Variants in MGA observed in about 807,000 individuals in gnomAD.
The protein encoded by MGA is MAX gene-associated protein.
MGA carries 40 observed loss-of-function variants against 261.1 expected under a neutral mutation model. The observed-to-expected ratio is 0.15, with a 90% CI of 0.12 to 0.20. The LOEUF is 0.20. Ranked by LOEUF, MGA falls within the 10% of genes least tolerant of loss-of-function variation. The pLI, the probability that MGA is intolerant of heterozygous loss-of-function variation, is 1.00. For synonymous variants in MGA, 1,302 were observed against 1,290.6 expected, an observed-to-expected ratio of 1.01 and a Z score of -0.19; for missense variants, 3,397 against 3,630.5, an observed-to-expected ratio of 0.94 and a Z score of 1.65.
chr15:41,742,942 C>G lies in MGA; in HGVS notation c.4982C>G (p.Thr1661Ser), dbSNP rs2062199625. 8 of 1,613,886 alleles carry G rather than the reference C, an allele frequency of 5.0e-6. No homozygotes were observed. The highest frequency in any genetic ancestry group is 6.8e-6 in the Non-Finnish European group (8 of 1,179,898). ...CAGTCTACAGCCACTGTGAACCTTA[C>G]CAAAACCACTGGGATAACTACCCCT... is the stretch of plus-strand genomic sequence containing the variant. The change falls in exon 15 of 24, where the codon ACC becomes AGC. Residue 1661 changes from threonine to serine, a missense_variant. Physicochemically the swap from Thr to Ser is moderately conservative, Grantham distance 58 (BLOSUM62 1). Coordinates refer to ENST00000219905, the MANE Select transcript of MGA (RefSeq NM_001164273.2).
chr15:41,744,959 A>G (rs1349574795), intron 15 of MGA, among the ~76,000 whole-genome samples: 1 of 152,126 alleles, frequency 6.6e-6, no homozygotes, highest in Admixed American at 6.5e-5. Context: ...GCTCACTGCA[A>G]CCTCCGCCTC....
Position 41,762,836 on chromosome 15 carries a change from C to T in MGA, c.7744+474C>T, listed in dbSNP as rs114713687. On this transcript the variant is annotated intron_variant, in intron 22 of 23. Transcript: ENST00000219905. ...TAAAAAGTAGAATATTAACTACATT[C>T]GATTTTGGTTTCTGGTTGTAATACA... Among the ~76,000 whole-genome samples the T allele has an allele frequency of 6.3e-3, 955 of 152,096 alleles. 14 individuals carry two copies. Among genetic ancestry groups the T allele is most frequent in the African/African-American group, 0.022 (916 of 41,486 alleles).
At chr15:41,715,036 T>G (rs1433654751) in intron 9 of MGA, among the ~76,000 whole-genome samples, 1 of 152,070 alleles carries the variant, frequency 6.6e-6, no homozygotes, top group Non-Finnish European at 1.5e-5. Context: ...GTAATTTACA[T>G]TTTCGTTTTG....
chr15:41,703,828 C>T (rs187004008), intron 5 of MGA, among the ~76,000 whole-genome samples: 72 of 152,296 alleles, frequency 4.7e-4, no homozygotes, highest in African/African-American at 1.6e-3. Flanking sequence ...GTTTTTGAGA[C>T]AGGGTCTCGC....
chr15:41,745,490 A>G (rs1012784455), intron 15 of MGA, among the ~76,000 whole-genome samples: 3 of 151,694 alleles, frequency 2.0e-5, no homozygotes, highest in African/African-American at 7.3e-5. Flanking sequence ...CTAGAGTAAC[A>G]TTAAAGATAT....
intron 2 of MGA, among the ~76,000 whole-genome samples, chr15:41,690,317 ATTTT>A (rs1007960796): frequency 2.0e-5 from 3 of 152,102 alleles, no homozygotes; most frequent in African/African-American, 4.8e-5. Context: ...ACATTACCAC[ATTTT>A]TTTTATTCAT....
At chr15:41,671,527 C>T (rs1327278564) in intron 2 of MGA, among the ~76,000 whole-genome samples, 1 of 152,016 alleles carries the variant, frequency 6.6e-6, no homozygotes, top group Non-Finnish European at 1.5e-5. Context: ...TGGGGTTTCA[C>T]CATGTTGGCC....
intron 9 of MGA, 88 bp downstream of exon 9, chr15:41,713,584 C>G: frequency 7.2e-7 from 1 of 1,379,692 alleles, no homozygotes; most frequent in Non-Finnish European, 9.5e-7. Flanking sequence ...ACCTTAATCC[C>G]GATCAATTAT....
chr15:41,765,983 T>C, intron 23 of MGA, 21 bp from the exon 24 acceptor site: 1 of 1,593,422 alleles, frequency 6.3e-7, no homozygotes, highest in Non-Finnish European at 8.6e-7. Flanking sequence ...AATTTTTCTT[T>C]TTTTAATTTT....
At chr15:41,756,781 A>G (rs992255372) in intron 18 of MGA, among the ~76,000 whole-genome samples, 5 of 152,120 alleles carry the variant, frequency 3.3e-5, no homozygotes, top group Non-Finnish European at 7.4e-5. Flanking sequence ...TTTTGTAGAG[A>G]CGGAGTCTTG....
intron 11 of MGA, among the ~76,000 whole-genome samples, chr15:41,731,283 T>C (rs1463972147): frequency 6.6e-6 from 1 of 152,136 alleles, no homozygotes; most frequent in African/African-American, 2.4e-5. Context: ...CTTTGTTACC[T>C]ATATTAAAAA....
chr15:41,711,219 C>T lies in MGA; in HGVS notation c.2954C>T (p.Pro985Leu), dbSNP rs1339680251. The change falls in exon 8 of 24, where the codon CCT becomes CTT. Residue 985 changes from proline to leucine, a missense_variant. Coordinates refer to ENST00000219905, the MANE Select transcript of MGA (RefSeq NM_001164273.2). ...CAGCAACAGCAACAGGGAAGTCGCC[C>T]TCCAGGCTTGTCTAAATCTCAGGTG... The T allele has an allele frequency of 1.9e-6, 3 of 1,613,918 alleles. No individual in the cohort carries two copies. The highest frequency in any genetic ancestry group is 1.7e-6 in the Non-Finnish European group (2 of 1,179,910).
intron 9 of MGA, chr15:41,718,591 CA>C (rs1266104965): frequency 2.8e-6 from 1 of 352,562 alleles, no homozygotes; most frequent in African/African-American, 2.1e-5. Context: ...TCGAAGTGAG[CA>C]TCAATAAGAT....
chr15:41,678,784 C>A, intron 2 of MGA, among the ~76,000 whole-genome samples: 1 of 149,646 alleles, frequency 6.7e-6, no homozygotes. Context: ...AAAAAAACCA[C>A]AAAATGAAAA....
chr15:41,635,071 C>T (rs866907752), intron 1 of MGA, among the ~76,000 whole-genome samples: 2 of 152,174 alleles, frequency 1.3e-5, no homozygotes, highest in Middle Eastern at 3.4e-3. Context: ...TGGTGGCTCA[C>T]GTGTGTAATC....
At chr15:41,625,239 T>A (rs2056419848) in intron 1 of MGA, among the ~76,000 whole-genome samples, 1 of 152,174 alleles carries the variant, frequency 6.6e-6, no homozygotes, top group Non-Finnish European at 1.5e-5. Flanking sequence ...ACAAAAAACA[T>A]CTGTCTAGTT....
intron 3 of MGA, 103 bp downstream of exon 3, chr15:41,697,126 A>G (rs2059583144): frequency 2.0e-6 from 2 of 1,023,426 alleles, no homozygotes; most frequent in South Asian, 3.6e-5. Context: ...TGTGATATCT[A>G]TTTGTGAGGG....
upstream of MGA, among the ~76,000 whole-genome samples, chr15:41,658,745 TTA>T (rs1054111447): frequency 1.9e-4 from 29 of 151,394 alleles, no homozygotes; most frequent in African/African-American, 7.0e-4. Flanking sequence ...TAGTATTTAG[TTA>T]TATGTTTGCC....
chr15:41,691,974 G>A (rs893121449), intron 2 of MGA, among the ~76,000 whole-genome samples: 2 of 151,198 alleles, frequency 1.3e-5, no homozygotes. Context: ...AAAATCTTTT[G>A]CTTTTGGAAG....
Sources: allele counts gnomAD v4.1 joint callset (sites outside exome capture counted in the v4.1 genomes callset), GRCh38; gene constraint gnomAD v4.1.1; transcripts MANE v1.5; gene names NCBI Gene and HGNC (gene_info 2026-07-23, HGNC 2026-07-21).